Variants in TNFRSF21 observed in about 807,000 individuals in gnomAD.
TNFRSF21 encodes the protein tumor necrosis factor receptor superfamily member 21.
In TNFRSF21, 19 loss-of-function variants were observed where a neutral mutation model predicts 45.6. That is an observed-to-expected ratio of 0.42 (90% CI 0.29 to 0.61). The LOEUF (loss-of-function observed/expected upper bound fraction) is 0.61. Ranked by LOEUF, TNFRSF21 falls within the 20% of genes least tolerant of loss-of-function variation. The probability of loss-of-function intolerance (pLI) is 0.23; values close to 1 mark genes in which losing one functional copy is unlikely to be tolerated. For synonymous variants in TNFRSF21, 314 were observed against 335.5 expected (o/e 0.94, Z 0.70); for missense variants, 737 against 851.5 (o/e 0.87, Z 1.67).
At chr6:47,280,812 A>G (rs1031046253) in intron 3 of TNFRSF21, among the ~76,000 whole-genome samples, 1 of 152,244 alleles carries the variant, frequency 6.6e-6, no homozygotes, top group Non-Finnish European at 1.5e-5. Context: ...CAAGAATTTT[A>G]AAAACCAGAC....
intron 4 of TNFRSF21, among the ~76,000 whole-genome samples, chr6:47,244,285 C>T (rs1449532669): frequency 7.0e-6 from 1 of 143,494 alleles, no homozygotes; most frequent in African/African-American, 2.7e-5. Flanking sequence ...GATGGCGCCA[C>T]TGCACGCCAG....
intron 1 of TNFRSF21, among the ~76,000 whole-genome samples, chr6:47,288,863 G>A (rs1762683714): frequency 6.6e-6 from 1 of 152,202 alleles, no homozygotes. Flanking sequence ...CAGAGTTGAT[G>A]CTTTCAGATT....
At chr6:47,290,734 G>A (rs1000755387) in intron 1 of TNFRSF21, among the ~76,000 whole-genome samples, 1 of 152,180 alleles carries the variant, frequency 6.6e-6, no homozygotes, top group African/African-American at 2.4e-5. Context: ...CCCGCAAGCA[G>A]AGCCAACAAA....
chr6:47,257,910 A>G (rs2295265), intron 3 of TNFRSF21, among the ~76,000 whole-genome samples: 65,393 of 152,006 alleles, frequency 0.43, 16,108 homozygotes, highest in African/African-American at 0.66. Context: ...CCAGTTAGTG[A>G]TGCCTCAATT....
intron 1 of TNFRSF21, among the ~76,000 whole-genome samples, chr6:47,307,862 G>A (rs1028898894): frequency 1.3e-5 from 2 of 152,216 alleles, no homozygotes; most frequent in Non-Finnish European, 2.9e-5. Flanking sequence ...AGATGTGTTA[G>A]AAGCACCTGA....
chr6:47,234,540 G>T, intron 5 of TNFRSF21, 130 bp downstream of exon 5: 1 of 765,928 alleles, frequency 1.3e-6, no homozygotes, highest in Non-Finnish European at 2.1e-6. Context: ...TTTTGGACTG[G>T]TCTTCCTGGG....
At chr6:47,301,542 G>A (rs1213617309) in intron 1 of TNFRSF21, among the ~76,000 whole-genome samples, 1 of 152,188 alleles carries the variant, frequency 6.6e-6, no homozygotes, top group Non-Finnish European at 1.5e-5. Context: ...GTTGGAGGTG[G>A]AGTCTTACGG....
intron 3 of TNFRSF21, among the ~76,000 whole-genome samples, chr6:47,277,998 G>A (rs1762522094): frequency 6.6e-6 from 1 of 152,100 alleles, no homozygotes; most frequent in Non-Finnish European, 1.5e-5. Context: ...AGCTGCCTTG[G>A]CCTTTGAATT....
chr6:47,305,242 A>G (rs956172422), intron 1 of TNFRSF21, among the ~76,000 whole-genome samples: 2 of 152,130 alleles, frequency 1.3e-5, no homozygotes, highest in East Asian at 1.9e-4. Flanking sequence ...CCAAATCCCA[A>G]TTCATCCCTG....
Position 47,284,128 on chromosome 6 carries a change from G to T in TNFRSF21, c.1053C>A (p.Pro351=). 1 of 1,614,176 alleles carries T rather than the reference G, an allele frequency of 6.2e-7. No individual in the cohort carries two copies. Among genetic ancestry groups the T allele is most frequent in the Non-Finnish European group, 8.5e-7 (1 of 1,180,036 alleles). ...GCAGCAGGAAAAGCACAATCATCCAGGGCAAATGCTCATTGATGTCAAAAT... is the reference window on the plus strand; with the variant it reads ...GCAGCAGGAAAAGCACAATCATCCATGGCAAATGCTCATTGATGTCAAAAT... The part of the protein sequence containing the change: ...HKHFDINEHL[P]WMIVLFLLLV... Residue 351 remains proline, a synonymous_variant, in exon 3 of 6, where the codon CCC becomes CCA. Transcript: ENST00000296861.
At chr6:47,308,721 G>T (rs560283033) in intron 1 of TNFRSF21, among the ~76,000 whole-genome samples, 1 of 152,210 alleles carries the variant, frequency 6.6e-6, no homozygotes, top group African/African-American at 2.4e-5. Flanking sequence ...TTCCAGTGCC[G>T]GCGCGCTGGC....
At chr6:47,300,298 A>T (rs1382258561) in intron 1 of TNFRSF21, among the ~76,000 whole-genome samples, 3 of 152,124 alleles carry the variant, frequency 2.0e-5, no homozygotes, top group Non-Finnish European at 2.9e-5. Flanking sequence ...GGAACCTAGG[A>T]ATCAACCTTG....
intron 3 of TNFRSF21, among the ~76,000 whole-genome samples, chr6:47,277,719 T>C (rs1207392846): frequency 6.6e-6 from 1 of 152,154 alleles, no homozygotes; most frequent in Non-Finnish European, 1.5e-5. Flanking sequence ...TTTCTAACAT[T>C]ATAAACAGAG....
Position 47,284,085 on chromosome 6 carries a change from C to T in TNFRSF21, c.1096G>A (p.Val366Met). Residue 366 changes from valine (V) to methionine (M), a missense_variant, in exon 3 of 6, where the codon GTG becomes ATG. Physicochemically the swap from Val to Met is conservative, Grantham distance 21. Transcript: ENST00000296861. ...LFLLLVLVVI[V>M]VCSIRKSSRT... ...GAGCTTTTCCGGATACTGCACACCA[C>T]AATCACCACAAGCACCAGCAGCAGG... The T allele has an allele frequency of 6.2e-7, 1 of 1,614,214 alleles. No individual in the cohort carries two copies. Among genetic ancestry groups the T allele is most frequent in the Non-Finnish European group, 8.5e-7 (1 of 1,180,036 alleles).
At chr6:47,247,515 G>C (rs1406240005) in intron 4 of TNFRSF21, among the ~76,000 whole-genome samples, 2 of 152,186 alleles carry the variant, frequency 1.3e-5, no homozygotes, top group Admixed American at 1.3e-4. Flanking sequence ...GCTGGTATTT[G>C]CTTCAACTCG....
intron 3 of TNFRSF21, among the ~76,000 whole-genome samples, chr6:47,268,574 C>CAA (rs1762369274): frequency 6.6e-6 from 1 of 152,176 alleles, no homozygotes; most frequent in Non-Finnish European, 1.5e-5. Flanking sequence ...TTTAAGATTT[C>CAA]TTTAAGTTGC....
chr6:47,300,360 T>C (rs1283681267), intron 1 of TNFRSF21, among the ~76,000 whole-genome samples: 1 of 152,098 alleles, frequency 6.6e-6, no homozygotes, highest in Non-Finnish European at 1.5e-5. Flanking sequence ...TCAGCAAATC[T>C]CTCCAAAATT....
intron 3 of TNFRSF21, among the ~76,000 whole-genome samples, chr6:47,275,738 T>C (rs1582342237): frequency 6.6e-6 from 1 of 152,294 alleles, no homozygotes; most frequent in Admixed American, 6.5e-5. Context: ...CCCCCAACCC[T>C]GTGACCTAAT....
At chr6:47,247,736 G>A (rs1764843413) in intron 4 of TNFRSF21, among the ~76,000 whole-genome samples, 1 of 152,184 alleles carries the variant, frequency 6.6e-6, no homozygotes, top group African/African-American at 2.4e-5. Flanking sequence ...AAGCCATCCA[G>A]GATCCAACAC....
Sources: gnomAD v4.1 joint callset for allele counts (sites outside exome capture counted in the v4.1 genomes callset) on GRCh38, gnomAD v4.1.1 for gene constraint, MANE v1.5 for transcripts, NCBI Gene and HGNC (gene_info 2026-07-23, HGNC 2026-07-21) for gene names.